The following ROBO2 variants were observed in gnomAD, a reference collection of about 807,000 sequenced individuals.
ROBO2 encodes the protein roundabout guidance receptor 2, also known as roundabout homolog 2.
A neutral mutation model predicts 160.8 loss-of-function variants in ROBO2; 53 were observed. The observed-to-expected ratio is 0.33, with a 90% CI of 0.26 to 0.41. The LOEUF is 0.41. Ranked by LOEUF, ROBO2 falls within the 10% of genes least tolerant of loss-of-function variation. ROBO2 has a pLI of 1.00. For missense variants in ROBO2, 1,577 were observed against 1,722.4 expected, an observed-to-expected ratio of 0.92 and a Z score of 1.49; for synonymous variants, 664 against 611.7, an observed-to-expected ratio of 1.09 and a Z score of -1.26.
chr3:76,038,210 G>A (rs567143670), intron 2 of ROBO2, among the ~76,000 whole-genome samples: 2 of 152,014 alleles, frequency 1.3e-5, no homozygotes, highest in African/African-American at 4.8e-5. Flanking sequence ...AGAGCTAGAA[G>A]AAATATCTGG....
intron 2 of ROBO2, among the ~76,000 whole-genome samples, chr3:75,978,140 G>A (rs2065180519): frequency 6.6e-6 from 1 of 151,462 alleles, no homozygotes; most frequent in South Asian, 2.1e-4. Flanking sequence ...TCATAAATGT[G>A]GTGTAGAGAA....
rs111995911 is a variant in ROBO2 at position 76,923,498 on chromosome 3, A to G, written c.110-174516A>G. On this transcript the variant is annotated intron_variant, in intron 2 of 26. Transcript: ENST00000487694. Reference sequence around the variant, plus strand: ...AAATAGAGTCTCTATTTCATCAAATAGGCTGCATCCAAACTCAGTGAACTG... The same window carrying G: ...AAATAGAGTCTCTATTTCATCAAATGGGCTGCATCCAAACTCAGTGAACTG... Among the ~76,000 whole-genome samples the G allele has an allele frequency of 5.2e-4, 79 of 152,362 alleles. 2 individuals carry two copies. Among genetic ancestry groups the G allele is most frequent in the African/African-American group, 1.8e-3 (76 of 41,584 alleles).
chr3:76,119,916 C>CCCTCCCTTCCTCCCTTCCTT (rs1377854643), intron 2 of ROBO2, among the ~76,000 whole-genome samples: 2 of 88,118 alleles, frequency 2.3e-5, no homozygotes, highest in African/African-American at 9.6e-5. Context: ...TTCCCTCCCT[C>CCCTCCCTTCCTCCCTTCCTT]CCTTCCTTCC....
intron 2 of ROBO2, among the ~76,000 whole-genome samples, chr3:76,311,778 C>A (rs1302105507): frequency 6.6e-6 from 1 of 152,074 alleles, no homozygotes; most frequent in Non-Finnish European, 1.5e-5. Context: ...GAATTGTTGG[C>A]AGATTTTGTG....
intron 2 of ROBO2, among the ~76,000 whole-genome samples, chr3:77,348,664 G>C (rs2067951494): frequency 6.6e-6 from 1 of 152,102 alleles, no homozygotes; most frequent in African/African-American, 2.4e-5. Flanking sequence ...AATATGTCCA[G>C]ATTGCGTTCA....
At chr3:76,753,486 T>C (rs1252537176) in intron 2 of ROBO2, among the ~76,000 whole-genome samples, 1 of 151,898 alleles carries the variant, frequency 6.6e-6, no homozygotes, top group East Asian at 1.9e-4. Context: ...GCTTCCTTAG[T>C]TTTTCCTTGT....
At chr3:76,657,129 T>C (rs183275309) in intron 2 of ROBO2, among the ~76,000 whole-genome samples, 4 of 152,210 alleles carry the variant, frequency 2.6e-5, no homozygotes, top group African/African-American at 9.6e-5. Flanking sequence ...TTTTTCAAGA[T>C]TTTAAAAATG....
At chr3:76,910,761 A>G (rs1212090304) in intron 2 of ROBO2, among the ~76,000 whole-genome samples, 2 of 150,374 alleles carry the variant, frequency 1.3e-5, no homozygotes, top group Non-Finnish European at 3.0e-5. Context: ...AAAAGAAATC[A>G]TATACATTGT....
chr3:77,281,979 A>T (rs2060271132), intron 2 of ROBO2, among the ~76,000 whole-genome samples: 1 of 152,184 alleles, frequency 6.6e-6, no homozygotes, highest in Non-Finnish European at 1.5e-5. Context: ...GCCACAGACC[A>T]GTATGAGTCC....
chr3:76,462,002 C>T (rs2078111996), intron 2 of ROBO2, among the ~76,000 whole-genome samples: 2 of 152,090 alleles, frequency 1.3e-5, no homozygotes, highest in African/African-American at 4.8e-5. Flanking sequence ...CTCTTTCCTC[C>T]TCCATCCCCA....
intron 2 of ROBO2, among the ~76,000 whole-genome samples, chr3:76,093,971 TC>T (rs2069335047): frequency 6.6e-6 from 1 of 152,172 alleles, no homozygotes. Flanking sequence ...ATTTGAGGTT[TC>T]TAATTTTCCC....
chr3:77,626,283 AC>A (rs2095024398), intron 23 of ROBO2, among the ~76,000 whole-genome samples: 1 of 152,108 alleles, frequency 6.6e-6, no homozygotes, highest in Non-Finnish European at 1.5e-5. Context: ...TTTAGATGTG[AC>A]TTTTGTGATT....
At chr3:77,547,687 G>C (rs933196829) in intron 7 of ROBO2, among the ~76,000 whole-genome samples, 5 of 151,962 alleles carry the variant, frequency 3.3e-5, no homozygotes, top group African/African-American at 1.2e-4. Flanking sequence ...TCCTCACTCA[G>C]CTCTCCTTGG....
chr3:75,953,230 A>G (rs917201667), intron 2 of ROBO2, among the ~76,000 whole-genome samples: 1 of 151,914 alleles, frequency 6.6e-6, no homozygotes, highest in African/African-American at 2.4e-5. Context: ...TGCATTCTCA[A>G]TAAAAGTTCC....
intron 1 of ROBO2, among the ~76,000 whole-genome samples, chr3:75,913,336 A>G (rs4054072): frequency 2.0e-5 from 3 of 152,196 alleles, no homozygotes; most frequent in African/African-American, 7.2e-5. Context: ...CCCTTTGGCT[A>G]TGTAAGGCAG....
At chr3:77,635,586 A>G (rs1158759351) in intron 24 of ROBO2, among the ~76,000 whole-genome samples, 2 of 152,202 alleles carry the variant, frequency 1.3e-5, no homozygotes, top group African/African-American at 4.8e-5. Context: ...CAGACTGCAT[A>G]TAAGACAGTG....
chr3:76,796,773 G>T (rs1460916557), intron 2 of ROBO2, among the ~76,000 whole-genome samples: 3 of 151,818 alleles, frequency 2.0e-5, no homozygotes, highest in Non-Finnish European at 2.9e-5. Context: ...CCATGCAAAT[G>T]GAAACCAAAG....
At chr3:76,631,082 C>T (rs2109449522) in intron 2 of ROBO2, among the ~76,000 whole-genome samples, 1 of 152,146 alleles carries the variant, frequency 6.6e-6, no homozygotes, top group South Asian at 2.1e-4. Context: ...ATATCTAAAC[C>T]TCTTTTATTT....
chr3:75,949,282 T>C (rs1948445425), intron 2 of ROBO2, among the ~76,000 whole-genome samples: 1 of 152,094 alleles, frequency 6.6e-6, no homozygotes, highest in Admixed American at 6.6e-5. Flanking sequence ...TTTGGTCTAC[T>C]TTTACTTTAG....
Sources: gnomAD v4.1 joint callset for allele counts (sites outside exome capture counted in the v4.1 genomes callset) on GRCh38, gnomAD v4.1.1 for gene constraint, MANE v1.5 for transcripts, NCBI Gene and HGNC (gene_info 2026-07-23, HGNC 2026-07-21) for gene names.